FDXR: variants seen among roughly 807,000 people sequenced by gnomAD.
The protein encoded by FDXR is NADPH:adrenodoxin oxidoreductase, mitochondrial.
A neutral mutation model predicts 58.3 loss-of-function variants in FDXR; 38 were observed. The ratio of observed to expected loss-of-function variants is 0.65; its 90% CI spans 0.50 to 0.85. The LOEUF (loss-of-function observed/expected upper bound fraction) is 0.85. FDXR is among the 40% of genes least tolerant of loss of function. FDXR has a pLI of 0.00. For missense variants in FDXR, 624 were observed against 671.0 expected (o/e 0.93, Z 0.77); for synonymous variants, 275 against 273.8 (o/e 1.00, Z -0.04).
At position 74,872,367 on chromosome 17, in the gene FDXR, T is replaced by C. The variant is rs34037885; in HGVS notation, c.80-234A>G. On this transcript the variant is annotated intron_variant, in intron 1 of 11. Transcript: ENST00000293195. The stretch of plus-strand genomic sequence containing the variant: ...CTCACCCATGAACCTACTACACCAC[T>C]GCCAATGGCCTGCCCAACAACACTT... The C allele has an allele frequency of 7.9e-3, 8,945 of 1,138,998 alleles. 193 individuals carry two copies. The highest frequency in any genetic ancestry group is 0.058 in the East Asian group (2,243 of 38,766). The allele number at this position is 1,138,998 out of a possible 1,614,324, so 70.6% of individuals were successfully genotyped here.
chr17:74,865,075 C>T, intron 6 of FDXR, 144 bp from the exon 7 acceptor site: 1 of 1,072,934 alleles, frequency 9.3e-7, no homozygotes, highest in Non-Finnish European at 1.4e-6. Context: ...CCAGATGGAG[C>T]ATTGCTGCCA....
Position 74,863,101 on chromosome 17 carries a change from G to A in FDXR, c.1320C>T (p.Ala440=), listed in dbSNP as rs770145453. 2.5e-6 allele frequency: 4 copies of A among 1,613,150 alleles called. No homozygotes were observed. The South Asian group carries it at 4.4e-5, about 18-fold the overall frequency. Residue 440 remains alanine (A), a synonymous_variant, in exon 11 of 12, where the codon GCC becomes GCT. Transcript: ENST00000293195. ...LPSGPRPGYA[A]IQALLSSRGV... ...CTCGGCTGCTGAGCAGGGCCTGGAT[G>A]GCTGCGTAGCCAGGCCTGGGGCCAG...
chr17:74,866,856 G>A lies in FDXR; in HGVS notation c.198C>T (p.Asp66=). 6.2e-7 allele frequency: 1 copy of A among 1,614,192 alleles called. No individual in the cohort carries two copies. Among genetic ancestry groups the A allele is most frequent in the Admixed American group, 1.7e-5 (1 of 60,020 alleles). ...HLLKHPQAHV[D]IYEKQPVPFG... ...AGGGCACAGGCTGTTTCTCGTAGAT[G>A]TCCACGTGGGCCTGGGGGTGCTGCT... The change falls in exon 3 of 12, where the codon GAC becomes GAT. Residue 66 remains aspartate (D), a synonymous_variant. Coordinates refer to ENST00000293195, the MANE Select transcript of FDXR (RefSeq NM_024417.5).
chr17:74,872,186 T>C (rs2038396607), intron 1 of FDXR, 53 bp from the exon 2 acceptor site: 2 of 1,582,098 alleles, frequency 1.3e-6, no homozygotes, highest in Non-Finnish European at 1.7e-6. Context: ...CTCTCCCCAG[T>C]CCCAAACCAA....
In FDXR at chr17:74,872,908, C is replaced by A. The variant is rs750342952; in HGVS notation, c.37G>T (p.Ala13Ser). Residue 13 changes from alanine (A) to serine (S), a missense_variant, in exon 1 of 12, where the codon GCG becomes TCG. Coordinates refer to ENST00000293195, the MANE Select transcript of FDXR (RefSeq NM_024417.5). Reference protein sequence around the residue: ...SRCWRWWGWSAWPRTRLPPAG... With the variant: ...SRCWRWWGWSSWPRTRLPPAG... ...GGAGGCAGCCGGGTCCGAGGCCACGCCGACCAGCCCCACCAGCGCCAGCAG... is the reference window on the plus strand; with the variant it reads ...GGAGGCAGCCGGGTCCGAGGCCACGACGACCAGCCCCACCAGCGCCAGCAG... The A allele has an allele frequency of 6.4e-7, 1 of 1,554,560 alleles. No homozygotes were observed. The highest frequency in any genetic ancestry group is 2.4e-5 in the East Asian group (1 of 41,650).
At chr17:74,869,333 G>C (rs979033959) in intron 2 of FDXR, among the ~76,000 whole-genome samples, 1 of 152,140 alleles carries the variant, frequency 6.6e-6, no homozygotes, top group African/African-American at 2.4e-5. Flanking sequence ...AAGATGCCCC[G>C]GGAGACTCTG....
intron 6 of FDXR, among the ~76,000 whole-genome samples, 169 bp downstream of exon 6, chr17:74,865,550 A>G (rs1247092985): frequency 6.6e-6 from 1 of 152,136 alleles, no homozygotes; most frequent in Non-Finnish European, 1.5e-5. Context: ...AAATGGTAGA[A>G]GAGGAAGCTC....
chr17:74,865,013 G>C (rs574307590), intron 6 of FDXR, 82 bp from the exon 7 acceptor site: 2 of 1,596,484 alleles, frequency 1.3e-6, no homozygotes, highest in African/African-American at 2.7e-5. Context: ...CCCCACCGTG[G>C]GCCTGGAGAA....
intron 2 of FDXR, 109 bp downstream of exon 2, chr17:74,871,927 C>T: frequency 1.3e-6 from 1 of 752,112 alleles, no homozygotes; most frequent in African/African-American, 1.8e-5. Context: ...TGGCTGGGAG[C>T]CCCTTCCCCA....
At chr17:74,872,210 C>T (rs556207680) in intron 1 of FDXR, 77 bp from the exon 2 acceptor site, 1 of 1,559,930 alleles carries the variant, frequency 6.4e-7, no homozygotes, top group South Asian at 1.2e-5. Flanking sequence ...GAATATCCAA[C>T]AGAAGCTGGA....
Position 74,862,818 on chromosome 17 carries a change from C to T in FDXR, c.1475G>A (p.Ter492=). 1.2e-6 allele frequency: 2 copies of T among 1,608,936 alleles called. No homozygotes were observed. Among genetic ancestry groups the T allele is most frequent in the Non-Finnish European group, 8.5e-7 (1 of 1,179,320 alleles). ...PQEMLRLLGH[*] The stretch of plus-strand genomic sequence containing the variant: ...TGGGGGCCGGGGCTGGGGCTGGGCT[C>T]AGTGGCCCAGGAGGCGCAGCATCTC... Residue 492 remains the stop codon, a stop_retained_variant, in exon 12 of 12, where the codon TGA becomes TAA. Transcript: ENST00000293195.
chr17:74,866,262 G>A lies in FDXR; in HGVS notation c.394-18C>T. 6.2e-7 allele frequency: 1 copy of A among 1,606,160 alleles called. No homozygotes were observed. On this transcript the variant is annotated intron_variant, in intron 4 of 11. Coordinates refer to ENST00000293195, the MANE Select transcript of FDXR (RefSeq NM_024417.5). ...CCGTAGCTCTGATGAAAGATGGCAG[G>A]CCCGAGACCCACAGCCTTCAGCACC...
At chr17:74,864,431 T>G in intron 8 of FDXR, 49 bp downstream of exon 8, 1 of 1,607,724 alleles carries the variant, frequency 6.2e-7, no homozygotes, top group Non-Finnish European at 8.5e-7. Context: ...CTCTCTGACC[T>G]AGGCCACCCT....
intron 4 of FDXR, 62 bp downstream of exon 4, chr17:74,866,384 C>G: frequency 1.6e-5 from 25 of 1,597,468 alleles, no homozygotes; most frequent in Non-Finnish European, 2.1e-5. Context: ...GCCTTCCACC[C>G]CGAGCCACCG....
rs1567908894 is a variant in FDXR, at chr17:74,864,056, C to T, written c.1014G>A (p.Glu338=). 1 of 1,613,916 alleles carries T rather than the reference C, an allele frequency of 6.2e-7. No homozygotes were observed. The highest frequency in any genetic ancestry group is 8.5e-7 in the Non-Finnish European group (1 of 1,180,018). Residue 338 remains glutamate, a synonymous_variant, in exon 10 of 12, where the codon GAG becomes GAA. Coordinates refer to ENST00000293195, the MANE Select transcript of FDXR (RefSeq NM_024417.5). The stretch of plus-strand genomic sequence containing the variant: ...CTCCCGTGGGCACTGCACGGGTGGC[C>T]TCATCGACACCCTGTTGGGGAGAGT... ...LAVTRLEGVD[E]ATRAVPTGDM... is the part of the protein sequence containing the mutation.
chr17:74,870,007 T>C (rs747922645), intron 2 of FDXR: 15 of 450,154 alleles, frequency 3.3e-5, no homozygotes, highest in Admixed American at 7.1e-5. Flanking sequence ...TGCTACGAGA[T>C]GCTGTGCTCA....
At chr17:74,863,322 C>T in intron 10 of FDXR, 76 bp from the exon 11 acceptor site, 3 of 1,388,396 alleles carry the variant, frequency 2.2e-6, no homozygotes, top group Non-Finnish European at 2.0e-6. Context: ...CCACAATCTA[C>T]ACCCACGTGC....
chr17:74,870,516 CAA>C (rs1168237892), intron 2 of FDXR, among the ~76,000 whole-genome samples: 2 of 55,006 alleles, frequency 3.6e-5, no homozygotes, highest in Admixed American at 2.7e-4. Flanking sequence ...GACTCCATCT[CAA>C]AAAAAAAAAA....
chr17:74,872,302 C>G, intron 1 of FDXR, 169 bp from the exon 2 acceptor site: 1 of 1,535,182 alleles, frequency 6.5e-7, no homozygotes, highest in South Asian at 1.2e-5. Flanking sequence ...CTTACTTCAT[C>G]TGAACCCCCA....
Sources: gnomAD v4.1 joint callset for allele counts (sites outside exome capture counted in the v4.1 genomes callset) on GRCh38, gnomAD v4.1.1 for gene constraint, MANE v1.5 for transcripts, NCBI Gene and HGNC (gene_info 2026-07-23, HGNC 2026-07-21) for gene names.